The following GFOD2 variants were observed in gnomAD, a reference collection of about 807,000 sequenced individuals.
GFOD2 encodes Gfo/Idh/MocA-like oxidoreductase domain containing 2, also known as glucose-fructose oxidoreductase domain-containing protein 2.
Under a neutral mutation model 24.6 loss-of-function variants are expected in GFOD2, and 9 were observed. The ratio of observed to expected loss-of-function variants is 0.37; its 90% CI spans 0.22 to 0.64. GFOD2 has a LOEUF of 0.64. Among genes scored for constraint, GFOD2 ranks in the 30% least tolerant of loss-of-function variants. The probability of loss-of-function intolerance (pLI) is 0.65; values close to 1 mark genes in which losing one functional copy is unlikely to be tolerated. For missense variants in GFOD2, 476 were observed against 532.5 expected (o/e 0.89, Z 1.04); for synonymous variants, 211 against 224.8 (o/e 0.94, Z 0.55).
rs1465127019 is a variant in GFOD2, at chr16:67,675,795, C to T, written c.518G>A (p.Gly173Glu). Residue 173 changes from glycine (G) to glutamate (E), a missense_variant, in exon 3 of 3, where the codon GGG becomes GAG. Gly to Glu is a moderately conservative substitution (Grantham distance 98, BLOSUM62 -2). Transcript: ENST00000268797. Reference sequence around the variant, plus strand: ...GTAGGTCCCCATGGTGTGCAAGCCCCCGCCGCCCATGAGCTCATCACAGAT... The same window carrying T: ...GTAGGTCCCCATGGTGTGCAAGCCCTCGCCGCCCATGAGCTCATCACAGAT... ...GWICDELMGG[G>E]GLHTMGTYIV... 2.8e-5 allele frequency: 46 copies of T among 1,614,062 alleles called. No individual in the cohort carries two copies. The highest frequency in any genetic ancestry group is 3.7e-5 in the Non-Finnish European group (44 of 1,180,058).
chr16:67,710,509 G>A (rs746170089), intron 1 of GFOD2, among the ~76,000 whole-genome samples: 3 of 152,036 alleles, frequency 2.0e-5, no homozygotes, highest in Non-Finnish European at 4.4e-5. Context: ...GACTACAGGC[G>A]CCTGCTACCA....
In GFOD2 at chr16:67,699,495, T is replaced by C. The variant is rs149198615; in HGVS notation, c.-87-13693A>G. ...ATGTGGTGTTTTTTTGTTTGTTAGT[T>C]TGGTTTGAGACAGAGTCTCACTCTG... On this transcript the variant is annotated intron_variant, in intron 1 of 2. Transcript: ENST00000268797. 2.6e-4 allele frequency among the ~76,000 whole-genome samples: 40 copies of C among 152,256 alleles called. No individual in the cohort carries two copies. The East Asian group carries it at 6.9e-3, about 26-fold the overall frequency.
At chr16:67,690,499 G>A (rs1382557738) in intron 1 of GFOD2, among the ~76,000 whole-genome samples, 2 of 150,288 alleles carry the variant, frequency 1.3e-5, no homozygotes, top group African/African-American at 4.9e-5. Context: ...TGCCTGCCTC[G>A]GCTGCCCAAA....
chr16:67,692,712 G>A, intron 1 of GFOD2, among the ~76,000 whole-genome samples: 1 of 149,692 alleles, frequency 6.7e-6, no homozygotes. Flanking sequence ...AGAGAAAGGG[G>A]ATAAAGGGGA....
At chr16:67,677,182 G>C (rs2053189957) in intron 2 of GFOD2, 1 of 152,094 alleles carries the variant, frequency 6.6e-6, no homozygotes, top group East Asian at 1.9e-4. Flanking sequence ...ATAAGGTCTT[G>C]ATACATGATC....
rs549616109 is a variant in GFOD2 at position 67,718,633 on chromosome 16, G to A, written c.-88+530C>T. On this transcript the variant is annotated intron_variant, in intron 1 of 2. Transcript: ENST00000268797. ...ATTGAGACGTGGCCATAGGGCACAT[G>A]GGAGCTGGCAGAGCCACTCGCACCT... Among the ~76,000 whole-genome samples, 13 of 152,328 alleles carry A rather than the reference G, an allele frequency of 8.5e-5. No individual in the cohort carries two copies. In the South Asian group the frequency reaches 2.7e-3, roughly 32 times the overall value.
chr16:67,696,006 A>C (rs530579744), intron 1 of GFOD2, among the ~76,000 whole-genome samples: 2 of 151,072 alleles, frequency 1.3e-5, no homozygotes, highest in Non-Finnish European at 3.0e-5. Flanking sequence ...TCCACTACAT[A>C]GGGAACCCTT....
At chr16:67,705,107 A>C (rs1293995279) in intron 1 of GFOD2, among the ~76,000 whole-genome samples, 1 of 152,246 alleles carries the variant, frequency 6.6e-6, no homozygotes, top group Non-Finnish European at 1.5e-5. Context: ...GATGAAAGAG[A>C]AATATAGGAG....
At position 67,694,987 on chromosome 16, in the gene GFOD2, CT is replaced by C. The variant is rs542893576; in HGVS notation, c.-87-9186del. Among the ~76,000 whole-genome samples, 571 of 121,554 alleles carry C rather than the reference CT, an allele frequency of 4.7e-3. 1 individual carries two copies. The highest frequency in any genetic ancestry group is 0.018 in the Admixed American group (195 of 10,546). 79.7% of individuals were successfully genotyped at this position (121,554 alleles called of 152,430 possible). A position where few individuals can be genotyped will look rare whatever the true frequency, so the allele number is the denominator to read the frequency against. On this transcript the variant is annotated intron_variant, in intron 1 of 2. Transcript: ENST00000268797. ...CCTTTTCTACTTTCTCCATCTCTCT[CT>C]TTTTTTTTTTTTTTTTTTTTTTGAG...
rs151082074 is a variant in GFOD2 at position 67,695,767 on chromosome 16, C to T, written c.-87-9965G>A. ...GCCAGGCTGGTCTCGAACTCCTGAC[C>T]TCAGGTGATCCTCCTGCCTCGGCCT... On this transcript the variant is annotated intron_variant, in intron 1 of 2. Transcript: ENST00000268797. Among the ~76,000 whole-genome samples, 635 of 152,120 alleles carry T rather than the reference C, an allele frequency of 4.2e-3. 3 individuals carry two copies. Among genetic ancestry groups the T allele is most frequent in the African/African-American group, 0.014 (571 of 41,498 alleles).
At chr16:67,703,980 T>G (rs886379934) in intron 1 of GFOD2, among the ~76,000 whole-genome samples, 1 of 152,236 alleles carries the variant, frequency 6.6e-6, no homozygotes, top group Non-Finnish European at 1.5e-5. Context: ...CTCAGCGTAA[T>G]GTCCTCAAGG....
At chr16:67,682,578 A>G in intron 2 of GFOD2, 1 of 985,448 alleles carries the variant, frequency 1.0e-6, no homozygotes, top group South Asian at 4.7e-5. Context: ...GAGGTAGAAG[A>G]TGAAGAACAT....
intron 2 of GFOD2, chr16:67,684,627 C>A (rs772602645): frequency 1.6e-4 from 70 of 428,942 alleles, no homozygotes; most frequent in Non-Finnish European, 2.2e-4. Flanking sequence ...ACCTGGGAGG[C>A]GAAGGTTGCA....
chr16:67,713,611 ACT>A (rs1275026431), intron 1 of GFOD2, among the ~76,000 whole-genome samples: 1 of 152,160 alleles, frequency 6.6e-6, no homozygotes, highest in Non-Finnish European at 1.5e-5. Context: ...GGAAACACTT[ACT>A]TATATTTACT....
At position 67,675,247 on chromosome 16, in the gene GFOD2, G is replaced by C; in HGVS notation, c.1066C>G (p.Arg356Gly). Residue 356 changes from arginine (R) to glycine (G), a missense_variant, in exon 3 of 3, where the codon CGA becomes GGA. By Grantham distance (125) the Arg-to-Gly change is moderately radical. Transcript: ENST00000268797. The part of the protein sequence containing the change: ...SVVDAIKRSS[R>G]SGEWEAVEVL... ...TCCACAGCCTCCCACTCCCCGGATCGGCTCGACCTCTTGATGGCATCCACC... is the reference window on the plus strand; with the variant it reads ...TCCACAGCCTCCCACTCCCCGGATCCGCTCGACCTCTTGATGGCATCCACC... 6.2e-7 allele frequency: 1 copy of C among 1,613,364 alleles called. No homozygotes were observed. Among genetic ancestry groups the C allele is most frequent in the Non-Finnish European group, 8.5e-7 (1 of 1,180,006 alleles).
At chr16:67,702,655 A>C (rs2142996613) in intron 1 of GFOD2, among the ~76,000 whole-genome samples, 1 of 139,690 alleles carries the variant, frequency 7.2e-6, no homozygotes, top group East Asian at 2.2e-4. Context: ...TCTGGAGCAC[A>C]GTGGCACAAT....
intron 1 of GFOD2, among the ~76,000 whole-genome samples, chr16:67,706,876 G>A (rs1417763265): frequency 6.6e-6 from 1 of 152,016 alleles, no homozygotes; most frequent in Non-Finnish European, 1.5e-5. Context: ...CTAACACATG[G>A]TGAAACCCCA....
At chr16:67,705,471 G>T (rs565295586) in intron 1 of GFOD2, among the ~76,000 whole-genome samples, 8 of 152,144 alleles carry the variant, frequency 5.3e-5, no homozygotes, top group Non-Finnish European at 1.0e-4. Context: ...GCCCCGCAAA[G>T]TGCTGAGAAC....
intron 1 of GFOD2, among the ~76,000 whole-genome samples, chr16:67,686,402 T>C (rs1381428840): frequency 6.6e-6 from 1 of 152,252 alleles, no homozygotes; most frequent in East Asian, 1.9e-4. Context: ...ATCTCTGTTC[T>C]GCTACTTAAC....
Sources: allele counts gnomAD v4.1 joint callset (sites outside exome capture counted in the v4.1 genomes callset), GRCh38; gene constraint gnomAD v4.1.1; transcripts MANE v1.5; gene names NCBI Gene and HGNC (gene_info 2026-07-23, HGNC 2026-07-21).